The following PRMT7 variants were observed in gnomAD, a reference collection of about 807,000 sequenced individuals.
PRMT7 encodes protein arginine methyltransferase 7, also known as protein arginine N-methyltransferase 7.
In PRMT7, 75 loss-of-function variants were observed where a neutral mutation model predicts 85.4. That is an observed-to-expected ratio of 0.88 (90% CI 0.73 to 1.06). PRMT7 has a LOEUF of 1.06. Among genes scored for constraint, PRMT7 ranks in the 50% least tolerant of loss-of-function variants. The pLI, the probability that PRMT7 is intolerant of heterozygous loss-of-function variation, is 0.00. For missense variants in PRMT7, 868 were observed against 915.2 expected (o/e 0.95, Z 0.67); for synonymous variants, 397 against 359.5 (o/e 1.10, Z -1.18).
intron 2 of PRMT7, among the ~76,000 whole-genome samples, chr16:68,313,811 C>T (rs766476650): frequency 1.3e-5 from 2 of 152,148 alleles, no homozygotes; most frequent in East Asian, 1.9e-4. Flanking sequence ...TGGTGCATGC[C>T]GGTAGTCTAG....
rs143966311 is a variant in PRMT7 at position 68,339,484 on chromosome 16, C to A, written c.667C>A (p.Pro223Thr). 2 of 1,614,174 alleles carry A rather than the reference C, an allele frequency of 1.2e-6. No homozygotes were observed. The highest frequency in any genetic ancestry group is 1.7e-6 in the Non-Finnish European group (2 of 1,180,048). Residue 223 changes from proline (P) to threonine (T), a missense_variant, in exon 8 of 19, where the codon CCC (proline) becomes ACC (threonine). By Grantham distance (38) the Pro-to-Thr change is conservative. Coordinates refer to ENST00000441236, the MANE Select transcript of PRMT7 (RefSeq NM_019023.5). The part of the protein sequence containing the change: ...PVDVESCPGA[P>T]SVCDIQLNQV... ...TGACGTGGAGAGCTGCCCTGGCGCACCCTCTGTCTGTGACATTCAGCTGAA... is the reference window on the plus strand; with the variant it reads ...TGACGTGGAGAGCTGCCCTGGCGCAACCTCTGTCTGTGACATTCAGCTGAA...
At chr16:68,348,464 CTG>C (rs1408760137) in intron 14 of PRMT7, 33 bp downstream of exon 14, 2 of 1,550,194 alleles carry the variant, frequency 1.3e-6, no homozygotes, top group East Asian at 4.5e-5. Flanking sequence ...CCACGCTGGG[CTG>C]TGTTAGGGTG....
At chr16:68,353,361 T>A in intron 15 of PRMT7, 131 bp from the exon 16 acceptor site, 1 of 1,518,234 alleles carries the variant, frequency 6.6e-7, no homozygotes, top group Non-Finnish European at 8.8e-7. Flanking sequence ...CTTTGTTCTC[T>A]CTGAGCCCCT....
At chr16:68,356,399 G>A (rs1244037095) in intron 17 of PRMT7, among the ~76,000 whole-genome samples, 2 of 152,250 alleles carry the variant, frequency 1.3e-5, no homozygotes, top group Non-Finnish European at 2.9e-5. Context: ...CATCAGAGGG[G>A]CCTTCCGGCC....
chr16:68,331,000 T>A (rs1597268230), intron 6 of PRMT7, among the ~76,000 whole-genome samples: 1 of 152,350 alleles, frequency 6.6e-6, no homozygotes, highest in East Asian at 1.9e-4. Flanking sequence ...ATTTTCATTA[T>A]GGATATTTGA....
rs759449766 is a variant in PRMT7 at position 68,357,005 on chromosome 16, G to T, written c.1909-49G>T. The T allele has an allele frequency of 3.9e-6, 6 of 1,549,486 alleles. No individual in the cohort carries two copies. In the Admixed American group the frequency reaches 1.1e-4, roughly 28 times the overall value. On this transcript the variant is annotated intron_variant, in intron 18 of 18. Coordinates refer to ENST00000441236, the MANE Select transcript of PRMT7 (RefSeq NM_019023.5). The stretch of plus-strand genomic sequence containing the variant: ...GGGCTGGAGGCTGGCTAGGAAGGAG[G>T]CTCAGGTGCCAGGGAGCCCTCACCA...
intron 3 of PRMT7, among the ~76,000 whole-genome samples, chr16:68,319,554 A>G (rs1386696562): frequency 6.6e-6 from 1 of 151,246 alleles, no homozygotes; most frequent in African/African-American, 2.4e-5. Flanking sequence ...CTAAGCATCC[A>G]TAGCTGGCTT....
intron 5 of PRMT7, among the ~76,000 whole-genome samples, chr16:68,325,544 CA>C (rs1423212064): frequency 6.6e-6 from 1 of 151,532 alleles, no homozygotes; most frequent in Non-Finnish European, 1.5e-5. Context: ...CCTGTAATCC[CA>C]GCACTTTGGG....
intron 5 of PRMT7, among the ~76,000 whole-genome samples, chr16:68,328,754 C>T (rs1429644491): frequency 1.3e-5 from 2 of 152,072 alleles, no homozygotes; most frequent in South Asian, 2.1e-4. Flanking sequence ...CTCCCAGGTT[C>T]GTGAGGCAAG....
In PRMT7 at chr16:68,311,167, C is replaced by T. The variant is rs941353855; in HGVS notation, c.-219+68C>T. Reference sequence around the variant, plus strand: ...TTCTGTGTGCAGCGAGCATGGTGTCCTTGGCACCAGGGTTTCGGCAGAGGA... The same window carrying T: ...TTCTGTGTGCAGCGAGCATGGTGTCTTTGGCACCAGGGTTTCGGCAGAGGA... On this transcript the variant is annotated intron_variant, in intron 1 of 18. Coordinates refer to ENST00000441236, the MANE Select transcript of PRMT7 (RefSeq NM_019023.5). The T allele has an allele frequency of 6.4e-5, 40 of 622,456 alleles. No homozygotes were observed. In the African/African-American group the frequency reaches 6.5e-4, roughly 10 times the overall value. 38.6% of individuals were successfully genotyped at this position (622,456 alleles called of 1,614,324 possible). A position where few individuals can be genotyped will look rare whatever the true frequency, so the allele number is the denominator to read the frequency against.
At chr16:68,328,268 A>G (rs1015370310) in intron 5 of PRMT7, 3 of 169,034 alleles carry the variant, frequency 1.8e-5, no homozygotes, top group African/African-American at 7.2e-5. Flanking sequence ...ATAAATACAT[A>G]CTTACCGTAA....
intron 3 of PRMT7, among the ~76,000 whole-genome samples, chr16:68,316,472 A>G (rs572126337): frequency 6.6e-6 from 1 of 152,294 alleles, no homozygotes; most frequent in East Asian, 1.9e-4. Context: ...ATTTAAAAGT[A>G]TGTGAGTTGT....
At chr16:68,355,426 T>C in intron 16 of PRMT7, 1 of 271,680 alleles carries the variant, frequency 3.7e-6, no homozygotes, top group Non-Finnish European at 6.9e-6. Flanking sequence ...AGTTTCTAGG[T>C]GCTGGGTGTT....
chr16:68,315,318 G>C (rs943375219), intron 2 of PRMT7: 1 of 152,500 alleles, frequency 6.6e-6, no homozygotes, highest in African/African-American at 2.4e-5. Context: ...ACTCCATTTT[G>C]CATAGCTATA....
intron 6 of PRMT7, among the ~76,000 whole-genome samples, chr16:68,333,547 G>A (rs1182368570): frequency 1.3e-5 from 2 of 151,464 alleles, no homozygotes; most frequent in African/African-American, 4.9e-5. Context: ...GGTCTTGAAC[G>A]CCAGGCCTCA....
rs1317384644 is a variant in PRMT7, at chr16:68,324,733, CAG to C, written c.186_187del (p.Gly63ThrfsTer38). 2 of 1,614,164 alleles carry C rather than the reference CAG, an allele frequency of 1.2e-6. No homozygotes were observed. The highest frequency in any genetic ancestry group is 1.1e-5 in the South Asian group (1 of 91,078). On this transcript the variant is annotated frameshift_variant, in exon 5 of 19. Coordinates refer to ENST00000441236, the MANE Select transcript of PRMT7 (RefSeq NM_019023.5). LOFTEE classifies it high-confidence loss of function. ...IRAAVSRVKD[R>X]GQKALVLDIG... ...GGGCTGCCGTGAGCAGGGTGAAGGACAGAGGACAGAAGGCCTTGGTTCTCGAC... is the reference window on the plus strand; with the variant it reads ...GGGCTGCCGTGAGCAGGGTGAAGGACAGGACAGAAGGCCTTGGTTCTCGAC...
chr16:68,318,028 A>G (rs2082076009), intron 3 of PRMT7, among the ~76,000 whole-genome samples: 1 of 152,028 alleles, frequency 6.6e-6, no homozygotes, highest in Non-Finnish European at 1.5e-5. Flanking sequence ...AAGCTTTGCC[A>G]CTTCTTTACT....
At chr16:68,354,556 G>C (rs1291253089) in intron 16 of PRMT7, 1 of 152,224 alleles carries the variant, frequency 6.6e-6, no homozygotes, top group Non-Finnish European at 1.5e-5. Flanking sequence ...AAACCTTGTG[G>C]ATATTTTCAG....
rs56830079 is a variant in PRMT7, at chr16:68,357,673, A to AGGGTGGAGATTTCTGGCCCTCTAGT, written c.*459_*460insTTCTGGCCCTCTAGTGGGTGGAGAT. ...CCCTGCTCTTCTGGCTTCTGCTAGGAGGGTGGAGATGCTGAGTTGTGGCTG... is the reference window on the plus strand; with the variant it reads ...CCCTGCTCTTCTGGCTTCTGCTAGGAGGGTGGAGATTTCTGGCCCTCTAGTGGGTGGAGATGCTGAGTTGTGGCTG... On this transcript the variant is annotated 3_prime_UTR_variant, in exon 19 of 19. Transcript: ENST00000441236. The AGGGTGGAGATTTCTGGCCCTCTAGT allele has an allele frequency of 0.77, 120,512 of 155,700 alleles. 47,701 individuals carry two copies. The highest frequency in any genetic ancestry group is 0.94 in the African/African-American group (38,979 of 41,416). 9.6% of individuals were successfully genotyped at this position (155,700 alleles called of 1,614,324 possible). A position where few individuals can be genotyped will look rare whatever the true frequency, so the allele number is the denominator to read the frequency against.
Sources: allele counts gnomAD v4.1 joint callset (sites outside exome capture counted in the v4.1 genomes callset), GRCh38; gene constraint gnomAD v4.1.1; transcripts MANE v1.5; gene names NCBI Gene and HGNC (gene_info 2026-07-23, HGNC 2026-07-21).